The following GRIN2D variants were observed in gnomAD, a reference collection of about 807,000 sequenced individuals.
GRIN2D encodes the protein glutamate receptor ionotropic, NMDA 2D.
A neutral mutation model predicts 103.2 loss-of-function variants in GRIN2D; 37 were observed. The ratio of observed to expected loss-of-function variants is 0.36; its 90% CI spans 0.28 to 0.47. The LOEUF is 0.47. GRIN2D is among the 20% of genes least tolerant of loss of function. GRIN2D has a pLI of 1.00. For missense variants in GRIN2D, 1,557 were observed against 1,910.6 expected (o/e 0.81, Z 3.45); for synonymous variants, 845 against 885.6 (o/e 0.95, Z 0.81).
intron 2 of GRIN2D, among the ~76,000 whole-genome samples, chr19:48,396,558 G>T (rs1419100740): frequency 5.9e-5 from 9 of 151,988 alleles, no homozygotes; most frequent in African/African-American, 2.2e-4. Context: ...GGGCGGAGTG[G>T]GGGGGTTATT....
chr19:48,443,965 T>G lies in GRIN2D; in HGVS notation c.*28T>G. Reference sequence around the variant, plus strand: ...CGGCCCCGGGGGCCCCACCGCCCCCTTGGTCAGCGCAGGCCACGGCCCGAG... The same window carrying G: ...CGGCCCCGGGGGCCCCACCGCCCCCGTGGTCAGCGCAGGCCACGGCCCGAG... On this transcript the variant is annotated 3_prime_UTR_variant, in exon 14 of 14. Transcript: ENST00000263269. The surrounding 1 kb of genome is among the most constrained non-coding windows in gnomAD (Gnocchi z 8.9). The G allele has an allele frequency of 2.2e-6, 3 of 1,357,264 alleles. No individual in the cohort carries two copies. The highest frequency in any genetic ancestry group is 2.9e-6 in the Non-Finnish European group (3 of 1,050,016). 84.1% of individuals were successfully genotyped at this position (1,357,264 alleles called of 1,614,324 possible). A position where few individuals can be genotyped will look rare whatever the true frequency, so the allele number is the denominator to read the frequency against.
Position 48,394,231 on chromosome 19 carries a change from GA to G in GRIN2D, c.-306+364del, listed in dbSNP as rs1388258719. 2.0e-5 allele frequency among the ~76,000 whole-genome samples: 3 copies of G among 151,974 alleles called. No individual in the cohort carries two copies. The highest frequency in any genetic ancestry group is 2.0e-4 in the Admixed American group (3 of 15,252). On this transcript the variant is annotated intron_variant, in intron 1 of 13. Transcript: ENST00000263269. This position sits in a 1 kb window ranked among gnomAD's most constrained non-coding sequence, Gnocchi z 5.1. ...TCCCTCCTCAAGCTCTGGGGGTGTTGAGGGGGAATCCCAGGGAAGTGAGATC... is the reference window on the plus strand; with the variant it reads ...TCCCTCCTCAAGCTCTGGGGGTGTTGGGGGGAATCCCAGGGAAGTGAGATC...
chr19:48,440,588 G>A (rs547298003), intron 11 of GRIN2D, among the ~76,000 whole-genome samples: 12 of 152,142 alleles, frequency 7.9e-5, no homozygotes, highest in Admixed American at 4.6e-4. Flanking sequence ...GTGAGACCTC[G>A]TCTCAGGAAA....
chr19:48,432,304 C>T (rs1971167563), intron 11 of GRIN2D, among the ~76,000 whole-genome samples: 1 of 151,776 alleles, frequency 6.6e-6, no homozygotes, highest in Non-Finnish European at 1.5e-5. Flanking sequence ...ATCCTCCTGC[C>T]TTGGCTTCCC....
At position 48,421,703 on chromosome 19, in the gene GRIN2D, A is replaced by G; in HGVS notation, c.2092-82A>G. ...CCTGGGACTGGGGTGTCTGCCAGATAGCGGGTGTGTCTCAGAATGGGTGAT... is the reference window on the plus strand; with the variant it reads ...CCTGGGACTGGGGTGTCTGCCAGATGGCGGGTGTGTCTCAGAATGGGTGAT... On this transcript the variant is annotated intron_variant, in intron 10 of 13. Coordinates refer to ENST00000263269, the MANE Select transcript of GRIN2D (RefSeq NM_000836.4). This position sits in a 1 kb window ranked among gnomAD's most constrained non-coding sequence, Gnocchi z 4.8. 6 of 1,136,684 alleles carry G rather than the reference A, an allele frequency of 5.3e-6. No individual in the cohort carries two copies. Among genetic ancestry groups the G allele is most frequent in the Non-Finnish European group, 7.8e-6 (6 of 765,786 alleles). 70.4% of individuals were successfully genotyped at this position (1,136,684 alleles called of 1,614,324 possible).
At chr19:48,428,385 A>G (rs1349935034) in intron 11 of GRIN2D, among the ~76,000 whole-genome samples, 17 of 102,674 alleles carry the variant, frequency 1.7e-4, no homozygotes, top group Non-Finnish European at 2.4e-4. Flanking sequence ...ATTGAGACGG[A>G]CTTTCACTCT....
rs957308158 is a variant in GRIN2D, at chr19:48,393,691, G to A, written c.-483G>A. 5.9e-5 allele frequency among the ~76,000 whole-genome samples: 9 copies of A among 152,080 alleles called. No individual in the cohort carries two copies. Among genetic ancestry groups the A allele is most frequent in the Middle Eastern group, 3.4e-3 (1 of 294 alleles). On this transcript the variant is annotated 5_prime_UTR_variant, in exon 1 of 14. Transcript: ENST00000263269. This position sits in a 1 kb window ranked among gnomAD's most constrained non-coding sequence, Gnocchi z 5.6. ...GCATCCCGAGTGAGTGTGTGTGTGC[G>A]AGAACACAGCGAGTGTGTGAGTCCC...
intron 11 of GRIN2D, among the ~76,000 whole-genome samples, chr19:48,429,717 G>A (rs1410535023): frequency 1.3e-5 from 2 of 148,410 alleles, no homozygotes; most frequent in Admixed American, 6.8e-5. Flanking sequence ...ATTTTTTAAT[G>A]TGTGTGTGTG....
Position 48,442,405 on chromosome 19 carries a change from G to C in GRIN2D, c.2673+23G>C. 1.3e-6 allele frequency: 2 copies of C among 1,592,516 alleles called. No homozygotes were observed. The highest frequency in any genetic ancestry group is 1.7e-6 in the Non-Finnish European group (2 of 1,167,870). Reference sequence around the variant, plus strand: ...AGGGTATGGGGCAGAGAGGGAGGCAGAGAGGGGGAGATGGCAGGGGCGGGG... The same window carrying C: ...AGGGTATGGGGCAGAGAGGGAGGCACAGAGGGGGAGATGGCAGGGGCGGGG... On this transcript the variant is annotated intron_variant, in intron 13 of 13. Transcript: ENST00000263269. This position sits in a 1 kb window ranked among gnomAD's most constrained non-coding sequence, Gnocchi z 7.2.
chr19:48,422,063 C>T, intron 11 of GRIN2D, 118 bp downstream of exon 11: 1 of 981,152 alleles, frequency 1.0e-6, no homozygotes, highest in East Asian at 2.7e-5. Flanking sequence ...CTGGGTGGGT[C>T]AGCTTGGAGG....
Position 48,401,307 on chromosome 19 carries a change from G to T in GRIN2D, c.465+2450G>T, listed in dbSNP as rs541039116. Among the ~76,000 whole-genome samples, 33 of 152,216 alleles carry T rather than the reference G, an allele frequency of 2.2e-4. No homozygotes were observed. The South Asian group carries it at 6.0e-3, about 28-fold the overall frequency. ...ACAAGGTCCCTGCCTTATAGAGCTT[G>T]CATTTTAATGGTGAGACAGACAAAA... On this transcript the variant is annotated intron_variant, in intron 3 of 13. Coordinates refer to ENST00000263269, the MANE Select transcript of GRIN2D (RefSeq NM_000836.4).
intron 3 of GRIN2D, among the ~76,000 whole-genome samples, chr19:48,402,171 A>AAAGAAAGAGAGAGG (rs1970724646): frequency 2.0e-5 from 3 of 151,924 alleles, no homozygotes; most frequent in African/African-American, 7.2e-5. Flanking sequence ...AAAGAAAGAG[A>AAAGAAAGAGAGAGG]GAAAAGAAAA....
At position 48,443,525 on chromosome 19, in the gene GRIN2D, ATGGCC is replaced by A; in HGVS notation, c.3603_3607del (p.Leu1202ArgfsTer128). 7.5e-7 allele frequency: 1 copy of A among 1,328,512 alleles called. No individual in the cohort carries two copies. The highest frequency in any genetic ancestry group is 1.5e-5 in the African/African-American group (1 of 64,562). The allele number at this position is 1,328,512 out of a possible 1,614,324, so 82.3% of individuals were successfully genotyped here. On this transcript the variant is annotated frameshift_variant, in exon 14 of 14. Coordinates refer to ENST00000263269, the MANE Select transcript of GRIN2D (RefSeq NM_000836.4). LOFTEE classifies it high-confidence loss of function. This position sits in a 1 kb window ranked among gnomAD's most constrained non-coding sequence, Gnocchi z 8.9. ...CCGCGCCATCTCAGCTGCTCGCACG[ATGGCC>A]TGGACGGCGGCTGGTGGGCGCCACC...
chr19:48,413,945 G>A (rs1326125713), intron 4 of GRIN2D, 46 bp from the exon 5 acceptor site: 2 of 1,107,028 alleles, frequency 1.8e-6, no homozygotes, highest in Non-Finnish European at 2.8e-6. Context: ...CGCTGCCAAG[G>A]TCCAGCCCAG....
intron 7 of GRIN2D, 27 bp from the exon 8 acceptor site, chr19:48,415,975 G>A: frequency 6.4e-7 from 1 of 1,567,398 alleles, no homozygotes; most frequent in South Asian, 1.1e-5. Context: ...GGGTTCCCCC[G>A]CCCACTCCTC....
At chr19:48,402,205 G>T (rs1970725199) in intron 3 of GRIN2D, among the ~76,000 whole-genome samples, 1 of 151,868 alleles carries the variant, frequency 6.6e-6, no homozygotes, top group Admixed American at 6.6e-5. Context: ...GAAAGTTGTA[G>T]ATAGCTGGGC....
chr19:48,414,481 C>T lies in GRIN2D; in HGVS notation c.1309C>T (p.Leu437=), dbSNP rs1468085181. 6.3e-7 allele frequency: 1 copy of T among 1,597,518 alleles called. No individual in the cohort carries two copies. The highest frequency in any genetic ancestry group is 2.3e-5 in the East Asian group (1 of 44,160). ...DDTQHLTVAT[L]EERPFVIVEP... ...CACGCAGCACCTCACGGTGGCCACGCTGGAGGAAAGGCCGTTTGTCATCGT... is the reference window on the plus strand; with the variant it reads ...CACGCAGCACCTCACGGTGGCCACGTTGGAGGAAAGGCCGTTTGTCATCGT... Residue 437 remains leucine (L), a synonymous_variant, in exon 6 of 14, where the codon CTG becomes TTG. Coordinates refer to ENST00000263269, the MANE Select transcript of GRIN2D (RefSeq NM_000836.4). This position sits in a 1 kb window ranked among gnomAD's most constrained non-coding sequence, Gnocchi z 4.6.
At chr19:48,426,287 G>C (rs1242951048) in intron 11 of GRIN2D, among the ~76,000 whole-genome samples, 1 of 139,992 alleles carries the variant, frequency 7.1e-6, no homozygotes, top group African/African-American at 2.7e-5. Flanking sequence ...GTGCAGTTGC[G>C]CGATCTCGGC....
chr19:48,402,277 A>G (rs1468920895), intron 3 of GRIN2D, among the ~76,000 whole-genome samples: 1 of 152,158 alleles, frequency 6.6e-6, no homozygotes, highest in Admixed American at 6.6e-5. Flanking sequence ...AACTGGAGCT[A>G]TCTTTGAACG....
Sources: gnomAD v4.1 joint callset for allele counts (sites outside exome capture counted in the v4.1 genomes callset) on GRCh38, gnomAD v4.1.1 for gene constraint, Gnocchi (gnomAD v3.1) non-coding constraint, MANE v1.5 for transcripts, NCBI Gene and HGNC (gene_info 2026-07-23, HGNC 2026-07-21) for gene names.